TSSC4: variants seen among roughly 807,000 people sequenced by gnomAD.
TSSC4 encodes U5 small nuclear ribonucleoprotein TSSC4.
For synonymous variants in TSSC4, 259 were observed against 197.9 expected (o/e 1.31, Z -2.59); for missense variants, 500 against 443.9 (o/e 1.13, Z -1.14).
chr11:2,402,885 C>T lies in TSSC4; in HGVS notation c.252C>T (p.Gly84=), dbSNP rs748792828. Residue 84 remains glycine, a synonymous_variant, in exon 3 of 3, where the codon GGC becomes GGT. Transcript: ENST00000333256. ...CGGTGCAGCCATTCCATCTGAGAGG[C>T]ATGAGCTCCACCTTCTCCCAGCGCA... ...PATVQPFHLR[G]MSSTFSQRSR... The T allele has an allele frequency of 1.2e-6, 2 of 1,612,034 alleles. No homozygotes were observed. The highest frequency in any genetic ancestry group is 1.3e-5 in the African/African-American group (1 of 74,920).
At position 2,403,090 on chromosome 11, in the gene TSSC4, C is replaced by T. The variant is rs759468894; in HGVS notation, c.457C>T (p.Pro153Ser). Residue 153 changes from proline to serine, a missense_variant, in exon 3 of 3, where the codon CCC (proline) becomes TCC (serine). Coordinates refer to ENST00000333256, the MANE Select transcript of TSSC4 (RefSeq NM_005706.4). Reference protein sequence around the residue: ...SPASPRVPPVPDYVAHPERWT... With the variant: ...SPASPRVPPVSDYVAHPERWT... ...TGCCTCACCAAGGGTGCCTCCGGTCCCCGACTACGTGGCACACCCCGAGCG... is the reference window on the plus strand; with the variant it reads ...TGCCTCACCAAGGGTGCCTCCGGTCTCCGACTACGTGGCACACCCCGAGCG... 5 of 1,611,820 alleles carry T rather than the reference C, an allele frequency of 3.1e-6. No individual in the cohort carries two copies. Among genetic ancestry groups the T allele is most frequent in the African/African-American group, 1.3e-5 (1 of 74,896 alleles).
chr11:2,401,077 C>T (rs1259167013), intron 1 of TSSC4: 2 of 152,172 alleles, frequency 1.3e-5, no homozygotes, highest in South Asian at 2.1e-4. Context: ...GGAGAAAGGC[C>T]GGGCTCTGCG....
intron 1 of TSSC4, 24 bp downstream of exon 1, chr11:2,400,822 G>T (rs2133476707): frequency 6.6e-6 from 1 of 152,198 alleles, no homozygotes; most frequent in South Asian, 2.1e-4. Context: ...GAGGGAGGAC[G>T]GGCCGCGCGG....
Position 2,402,624 on chromosome 11 carries a change from C to G in TSSC4, c.-10C>G. 6.3e-7 allele frequency: 1 copy of G among 1,584,606 alleles called. No homozygotes were observed. Among genetic ancestry groups the G allele is most frequent in the Non-Finnish European group, 8.6e-7 (1 of 1,161,510 alleles). Reference sequence around the variant, plus strand: ...GTTTTGGTTTAGGTGTGGCGTGGCCCTGGGGACGCATGGCTGAGGCAGGAA... The same window carrying G: ...GTTTTGGTTTAGGTGTGGCGTGGCCGTGGGGACGCATGGCTGAGGCAGGAA... On this transcript the variant is annotated 5_prime_UTR_variant, in exon 3 of 3. Coordinates refer to ENST00000333256, the MANE Select transcript of TSSC4 (RefSeq NM_005706.4).
chr11:2,402,516 C>T, intron 2 of TSSC4, 66 bp downstream of exon 2: 2 of 1,146,818 alleles, frequency 1.7e-6, no homozygotes, highest in South Asian at 1.6e-5. Context: ...GTCAGTTGAC[C>T]CTCCACTTGT....
At chr11:2,402,550 G>A in intron 2 of TSSC4, 61 bp from the exon 3 acceptor site, 7 of 1,398,012 alleles carry the variant, frequency 5.0e-6, no homozygotes, top group Non-Finnish European at 6.7e-6. Flanking sequence ...ATCTGCAGGG[G>A]GAACTCATTC....
At chr11:2,402,556 C>G (rs1176843114) in intron 2 of TSSC4, 55 bp from the exon 3 acceptor site, 36 of 1,417,346 alleles carry the variant, frequency 2.5e-5, no homozygotes, top group Non-Finnish European at 3.2e-5. Flanking sequence ...AGGGGGAACT[C>G]ATTCTCAATA....
intron 1 of TSSC4, chr11:2,401,862 A>AC (rs1850155282): frequency 1.3e-5 from 2 of 152,148 alleles, no homozygotes; most frequent in Non-Finnish European, 2.9e-5. Flanking sequence ...GATGGTCGAC[A>AC]CCCCACTTTC....
rs1850231474 is a variant in TSSC4 at position 2,403,391 on chromosome 11, G to A, written c.758G>A (p.Gly253Asp). 1 of 1,603,570 alleles carries A rather than the reference G, an allele frequency of 6.2e-7. No homozygotes were observed. Among genetic ancestry groups the A allele is most frequent in the Non-Finnish European group, 8.5e-7 (1 of 1,174,254 alleles). Residue 253 changes from glycine to aspartate, a missense_variant, in exon 3 of 3, where the codon GGC becomes GAC. By Grantham distance (94) the Gly-to-Asp change is moderately conservative. Transcript: ENST00000333256. Reference protein sequence around the residue: ...LGNPATDRGEGPVELAHLAGP... With the variant: ...LGNPATDRGEDPVELAHLAGP... ...AATCCTGCCACAGACAGGGGCGAGG[G>A]CCCTGTGGAGCTGGCCCATCTGGCC...
chr11:2,402,408 T>TCA lies in TSSC4; in HGVS notation c.-62_-61dup, dbSNP rs2133481894. ...CCACTTGGCCCGCTTGGCTGTCCAA[T>TCA]CACACTCCAGTGTCAACCACTGGCA... On this transcript the variant is annotated 5_prime_UTR_variant, in exon 2 of 3. Transcript: ENST00000333256. 1 of 557,076 alleles carries TCA rather than the reference T, an allele frequency of 1.8e-6. No individual in the cohort carries two copies. Among genetic ancestry groups the TCA allele is most frequent in the East Asian group, 3.0e-5 (1 of 33,062 alleles). 34.5% of individuals were successfully genotyped at this position (557,076 alleles called of 1,614,324 possible). A position where few individuals can be genotyped will look rare whatever the true frequency, so the allele number is the denominator to read the frequency against.
Position 2,403,285 on chromosome 11 carries a change from C to A in TSSC4, c.652C>A (p.Pro218Thr). ...GGAGGGGAGGGTCATCTTCACCAAA[C>A]CAGTCCGAGGGGTCGAAGCCAGACA... ...CGEGRVIFTK[P>T]VRGVEARHER... Residue 218 changes from proline to threonine, a missense_variant, in exon 3 of 3, where the codon CCA becomes ACA. Pro to Thr is a conservative substitution (Grantham distance 38). Coordinates refer to ENST00000333256, the MANE Select transcript of TSSC4 (RefSeq NM_005706.4). The A allele has an allele frequency of 1.9e-6, 3 of 1,612,324 alleles. No homozygotes were observed. Among genetic ancestry groups the A allele is most frequent in the Non-Finnish European group, 1.7e-6 (2 of 1,179,474 alleles).
At position 2,403,074 on chromosome 11, in the gene TSSC4, A is replaced by G; in HGVS notation, c.441A>G (p.Pro147=). The G allele has an allele frequency of 6.2e-7, 1 of 1,611,042 alleles. No homozygotes were observed. The highest frequency in any genetic ancestry group is 2.2e-5 in the East Asian group (1 of 44,790). Residue 147 remains proline, a synonymous_variant, in exon 3 of 3, where the codon CCA becomes CCG. Transcript: ENST00000333256. The part of the protein sequence containing the change: ...LGRAHRSPAS[P]RVPPVPDYVA... ...GGGCCCATCGGAGCCCTGCCTCACC[A>G]AGGGTGCCTCCGGTCCCCGACTACG...
rs746223827 is a variant in TSSC4 at position 2,403,000 on chromosome 11, A to G, written c.367A>G (p.Lys123Glu). Reference sequence around the variant, plus strand: ...CAGCATGAGTGACAACGGAGGCTTCAAGCGGCCCCTAGCGCCCTCAGGCCG... The same window carrying G: ...CAGCATGAGTGACAACGGAGGCTTCGAGCGGCCCCTAGCGCCCTCAGGCCG... The part of the protein sequence containing the change: ...HTSMSDNGGF[K>E]RPLAPSGRSP... Residue 123 changes from lysine to glutamate, a missense_variant, in exon 3 of 3, where the codon AAG becomes GAG. Transcript: ENST00000333256. 6.2e-7 allele frequency: 1 copy of G among 1,608,552 alleles called. No individual in the cohort carries two copies. The highest frequency in any genetic ancestry group is 1.1e-5 in the South Asian group (1 of 90,458).
At chr11:2,402,230 C>T (rs541817507) in intron 1 of TSSC4, 64 bp from the exon 2 acceptor site, 25 of 185,224 alleles carry the variant, frequency 1.3e-4, no homozygotes, top group Admixed American at 4.0e-4. Flanking sequence ...CTGCCCGGCA[C>T]CTGTTTCACA....
chr11:2,403,777 C>T lies in TSSC4; in HGVS notation c.*154C>T, dbSNP rs757523416. 1.1e-4 allele frequency: 79 copies of T among 746,548 alleles called. No individual in the cohort carries two copies. Among genetic ancestry groups the T allele is most frequent in the Non-Finnish European group, 1.5e-4 (73 of 497,420 alleles). The allele number at this position is 746,548 out of a possible 1,614,324, so 46.2% of individuals were successfully genotyped here. On this transcript the variant is annotated 3_prime_UTR_variant, in exon 3 of 3. Coordinates refer to ENST00000333256, the MANE Select transcript of TSSC4 (RefSeq NM_005706.4). The stretch of plus-strand genomic sequence containing the variant: ...CCCTGGCTGCAGTTCTGGGCAGCAT[C>T]CTCCCAAGCAGAGACCTTGCTGAAG...
At position 2,402,311 on chromosome 11, in the gene TSSC4, G is replaced by A; in HGVS notation, c.-163G>A. On this transcript the variant is annotated 5_prime_UTR_variant, in exon 2 of 3. Coordinates refer to ENST00000333256, the MANE Select transcript of TSSC4 (RefSeq NM_005706.4). ...ACCTGCAGTTGAGCAGCTGAACAGA[G>A]GCCATGCCGGGGCACTCCGAGGCCT... is the stretch of plus-strand genomic sequence containing the variant. The A allele has an allele frequency of 2.8e-6, 1 of 351,652 alleles. No individual in the cohort carries two copies. The highest frequency in any genetic ancestry group is 5.6e-5 in the East Asian group (1 of 17,762). 21.8% of individuals were successfully genotyped at this position (351,652 alleles called of 1,614,324 possible). A position where few individuals can be genotyped will look rare whatever the true frequency, so the allele number is the denominator to read the frequency against.
rs1380630419 is a variant in TSSC4, at chr11:2,403,843, T to A, written c.*220T>A. On this transcript the variant is annotated 3_prime_UTR_variant, in exon 3 of 3. Transcript: ENST00000333256. ...GTGTGGGCTGGAAGCACTGGCTCCC[T>A]GGTAGGGACAATAAAGGTTTTGGGT... 2.3e-6 allele frequency: 1 copy of A among 438,906 alleles called. No homozygotes were observed. Among genetic ancestry groups the A allele is most frequent in the Admixed American group, 4.2e-5 (1 of 23,658 alleles). 27.2% of individuals were successfully genotyped at this position (438,906 alleles called of 1,614,324 possible). A position where few individuals can be genotyped will look rare whatever the true frequency, so the allele number is the denominator to read the frequency against.
intron 1 of TSSC4, chr11:2,401,257 C>CT (rs1194737983): frequency 6.6e-6 from 1 of 152,224 alleles, no homozygotes; most frequent in African/African-American, 2.4e-5. Flanking sequence ...GACCAGGCTG[C>CT]TTCTGGCCGC....
chr11:2,402,426 C>A lies in TSSC4; in HGVS notation c.-48C>A. 5.0e-6 allele frequency: 3 copies of A among 599,290 alleles called. No homozygotes were observed. The highest frequency in any genetic ancestry group is 8.7e-6 in the Non-Finnish European group (3 of 344,544). 37.1% of individuals were successfully genotyped at this position (599,290 alleles called of 1,614,324 possible). On this transcript the variant is annotated 5_prime_UTR_variant, in exon 2 of 3. Transcript: ENST00000333256. ...TGTCCAATCACACTCCAGTGTCAAC[C>A]ACTGGCACCCAGCAGCCAAGAGAGG...
Sources: allele counts gnomAD v4.1 joint callset, GRCh38; gene constraint gnomAD v4.1.1; transcripts MANE v1.5; gene names NCBI Gene and HGNC (gene_info 2026-07-23, HGNC 2026-07-21).